The following MAGI2 variants were observed in gnomAD, a reference collection of about 807,000 sequenced individuals.
MAGI2 encodes the protein membrane associated guanylate kinase, WW and PDZ domain containing 2.
MAGI2 carries 35 observed loss-of-function variants against 133.3 expected under a neutral mutation model. The ratio of observed to expected loss-of-function variants is 0.26; its 90% CI spans 0.20 to 0.35. The LOEUF is 0.35. MAGI2 is among the 10% of genes least tolerant of loss of function. The probability of loss-of-function intolerance (pLI) is 1.00; values close to 1 mark genes in which losing one functional copy is unlikely to be tolerated. For synonymous variants in MAGI2, 729 were observed against 710.6 expected, an observed-to-expected ratio of 1.03 and a Z score of -0.41; for missense variants, 1,636 against 1,863.4, an observed-to-expected ratio of 0.88 and a Z score of 2.25.
chr7:78,704,249 T>G (rs1818373222), intron 2 of MAGI2, among the ~76,000 whole-genome samples: 1 of 152,006 alleles, frequency 6.6e-6, no homozygotes, highest in African/African-American at 2.4e-5. Flanking sequence ...CATTAAAAAG[T>G]GAGCAAAAAA....
At chr7:79,319,162 C>A (rs1344617616) in intron 1 of MAGI2, among the ~76,000 whole-genome samples, 1 of 151,982 alleles carries the variant, frequency 6.6e-6, no homozygotes, top group Non-Finnish European at 1.5e-5. Flanking sequence ...GACTATCTAC[C>A]CTCAGTTTAC....
Position 79,007,201 on chromosome 7 carries a change from T to C in MAGI2, c.307A>G (p.Ile103Val), listed in dbSNP as rs1238715028. The change falls in exon 2 of 22, where the codon ATT becomes GTT. Residue 103 changes from isoleucine (I) to valine (V), a missense_variant. Physicochemically the swap from Ile to Val is conservative, Grantham distance 29 (BLOSUM62 3). This residue lies in a region of MAGI2 where 148 missense variants were observed against 239.0 expected (regional missense o/e 0.62). Coordinates refer to ENST00000354212, the MANE Select transcript of MAGI2 (RefSeq NM_012301.4). Reference sequence around the variant, plus strand: ...TAGTGACGAAGGTCTTTATCAACAATTCCTCCTAAAAATAAAAAAAGTTTC... The same window carrying C: ...TAGTGACGAAGGTCTTTATCAACAACTCCTCCTAAAAATAAAAAAAGTTTC... ...LRLKCVKQGG[I>V]VDKDLRHYLN... The C allele has an allele frequency of 2.2e-5, 35 of 1,592,766 alleles. No homozygotes were observed. In the Admixed American group the frequency reaches 6.2e-4, roughly 28 times the overall value.
At chr7:78,664,342 T>C (rs887031290) in intron 2 of MAGI2, among the ~76,000 whole-genome samples, 3 of 152,164 alleles carry the variant, frequency 2.0e-5, no homozygotes, top group East Asian at 3.8e-4. Flanking sequence ...CTTTTTTGTC[T>C]TTGGCTATAT....
rs1219292355 is a variant in MAGI2 at position 78,185,660 on chromosome 7, T to G, written c.2280A>C (p.Pro760=). The G allele has an allele frequency of 1.9e-6, 3 of 1,585,592 alleles. No homozygotes were observed. Among genetic ancestry groups the G allele is most frequent in the Non-Finnish European group, 2.6e-6 (3 of 1,160,696 alleles). ...AATCCATTCGAAAACTGGTCCTGGGTGGCACTTGTTCTGGATGGGAAAATG... is the reference window on the plus strand; with the variant it reads ...AATCCATTCGAAAACTGGTCCTGGGGGGCACTTGTTCTGGATGGGAAAATG... ...RAIYESRQQV[P]PRTSFRMDSS... Residue 760 remains proline (P), a synonymous_variant, in exon 13 of 22, where the codon CCA becomes CCC. Coordinates refer to ENST00000354212, the MANE Select transcript of MAGI2 (RefSeq NM_012301.4).
chr7:79,270,671 T>C (rs1243996149), intron 1 of MAGI2, among the ~76,000 whole-genome samples: 6 of 152,140 alleles, frequency 3.9e-5, no homozygotes, highest in East Asian at 1.9e-4. Context: ...CAGTGACACA[T>C]GCCAGGATCT....
intron 12 of MAGI2, among the ~76,000 whole-genome samples, chr7:78,191,942 A>G (rs999052476): frequency 5.3e-5 from 8 of 152,164 alleles, no homozygotes; most frequent in Non-Finnish European, 7.3e-5. Flanking sequence ...AATTTCCATC[A>G]TTTGTAGGGG....
At chr7:78,800,417 T>C (rs1198789755) in intron 2 of MAGI2, among the ~76,000 whole-genome samples, 1 of 152,018 alleles carries the variant, frequency 6.6e-6, no homozygotes, top group Non-Finnish European at 1.5e-5. Context: ...TGTATTCAGA[T>C]GGAGGCTTAA....
chr7:78,920,991 C>T (rs1471211668), intron 2 of MAGI2, among the ~76,000 whole-genome samples: 1 of 152,138 alleles, frequency 6.6e-6, no homozygotes, highest in Non-Finnish European at 1.5e-5. Context: ...TTGTTCCTAA[C>T]TTTCCTGATT....
At chr7:78,841,981 A>ATGT (rs1792183415) in intron 2 of MAGI2, among the ~76,000 whole-genome samples, 1 of 151,924 alleles carries the variant, frequency 6.6e-6, no homozygotes, top group Non-Finnish European at 1.5e-5. Flanking sequence ...TAAGAGTCCA[A>ATGT]ACTATCAGTA....
intron 3 of MAGI2, among the ~76,000 whole-genome samples, chr7:78,563,857 A>G (rs1800658530): frequency 2.0e-5 from 3 of 152,236 alleles, no homozygotes; most frequent in Non-Finnish European, 4.4e-5. Flanking sequence ...AAATCAATCC[A>G]TAGTATCTTA....
intron 1 of MAGI2, among the ~76,000 whole-genome samples, chr7:79,026,890 A>AG (rs1809946927): frequency 6.6e-6 from 1 of 151,614 alleles, no homozygotes; most frequent in East Asian, 1.9e-4. Flanking sequence ...AAGAAAAAAA[A>AG]ATGGGCAGGA....
chr7:78,235,168 T>C (rs1043696470), intron 10 of MAGI2, among the ~76,000 whole-genome samples: 2 of 152,202 alleles, frequency 1.3e-5, no homozygotes, highest in Admixed American at 6.5e-5. Flanking sequence ...AATTTGACCA[T>C]CCTCCTGTAG....
At chr7:79,154,977 C>T (rs186089499) in intron 1 of MAGI2, among the ~76,000 whole-genome samples, 3 of 152,284 alleles carry the variant, frequency 2.0e-5, no homozygotes, top group East Asian at 3.9e-4. Context: ...CTTTTCCTTA[C>T]GTTTGTTCCA....
intron 3 of MAGI2, among the ~76,000 whole-genome samples, chr7:78,613,597 C>A (rs954021468): frequency 6.6e-6 from 1 of 152,052 alleles, no homozygotes; most frequent in Non-Finnish European, 1.5e-5. Context: ...TGTCAATGAG[C>A]TTTTGGTAGA....
chr7:78,633,229 T>C (rs902272885), intron 2 of MAGI2, among the ~76,000 whole-genome samples: 1 of 152,062 alleles, frequency 6.6e-6, no homozygotes, highest in African/African-American at 2.4e-5. Flanking sequence ...CAACAGATAC[T>C]GGGGTCTACT....
intron 1 of MAGI2, among the ~76,000 whole-genome samples, chr7:79,288,041 T>C (rs1045702574): frequency 6.6e-6 from 1 of 152,156 alleles, no homozygotes; most frequent in African/African-American, 2.4e-5. Flanking sequence ...ATCTCACCTA[T>C]ATTTATCAAC....
chr7:78,768,685 T>C (rs936578619), intron 2 of MAGI2, among the ~76,000 whole-genome samples: 2 of 152,352 alleles, frequency 1.3e-5, no homozygotes, highest in Middle Eastern at 3.4e-3. Context: ...GATGACTCCA[T>C]GTCATTTTGC....
intron 6 of MAGI2, among the ~76,000 whole-genome samples, chr7:78,425,643 C>T (rs1453055983): frequency 6.6e-6 from 1 of 152,198 alleles, no homozygotes; most frequent in South Asian, 2.1e-4. Flanking sequence ...AATAGTGAAA[C>T]CAAAGTCTGT....
intron 3 of MAGI2, among the ~76,000 whole-genome samples, chr7:78,533,394 A>G (rs1218578182): frequency 6.6e-6 from 1 of 152,222 alleles, no homozygotes; most frequent in East Asian, 1.9e-4. Flanking sequence ...GGCACTGGAA[A>G]AAGATGAGGA....
Sources: allele counts gnomAD v4.1 joint callset (sites outside exome capture counted in the v4.1 genomes callset), GRCh38; gene constraint gnomAD v4.1.1; regional missense constraint gnomAD v4.1.1; transcripts MANE v1.5; gene names NCBI Gene and HGNC (gene_info 2026-07-23, HGNC 2026-07-21).